CSMD1: variants seen among roughly 807,000 people sequenced by gnomAD.
CSMD1 encodes CUB and Sushi multiple domains 1.
CSMD1 carries 213 observed loss-of-function variants against 417.5 expected under a neutral mutation model. The ratio of observed to expected loss-of-function variants is 0.51; its 90% CI spans 0.46 to 0.57. The LOEUF (loss-of-function observed/expected upper bound fraction) is 0.57, where lower values mean the gene tolerates loss of function less well. Among genes scored for constraint, CSMD1 ranks in the 20% least tolerant of loss-of-function variants. The probability of loss-of-function intolerance (pLI) is 0.00; values close to 1 mark genes in which losing one functional copy is unlikely to be tolerated. For missense variants in CSMD1, 6,923 were observed against 4,529.7 expected (o/e 1.53, Z -15.17); for synonymous variants, 2,862 against 1,736.8 (o/e 1.65, Z -16.11).
At chr8:3,345,221 A>C (rs1324425246) in intron 22 of CSMD1, among the ~76,000 whole-genome samples, 1 of 152,134 alleles carries the variant, frequency 6.6e-6, no homozygotes, top group Non-Finnish European at 1.5e-5. Context: ...CCTCATGAGG[A>C]CTTGACCAAG....
chr8:4,667,598 G>C (rs985462634), intron 1 of CSMD1, among the ~76,000 whole-genome samples: 8 of 151,958 alleles, frequency 5.3e-5, no homozygotes, highest in African/African-American at 1.7e-4. Flanking sequence ...TTGTCCCTGA[G>C]TACTTTATGT....
At chr8:3,963,078 G>T (rs555193524) in intron 5 of CSMD1, among the ~76,000 whole-genome samples, 1 of 152,150 alleles carries the variant, frequency 6.6e-6, no homozygotes, top group African/African-American at 2.4e-5. Context: ...TTACAGGTAT[G>T]CACAACCACG....
intron 3 of CSMD1, among the ~76,000 whole-genome samples, chr8:4,184,082 C>T (rs190462809): frequency 6.6e-6 from 1 of 152,288 alleles, no homozygotes; most frequent in Non-Finnish European, 1.5e-5. Flanking sequence ...GCCACCTTCC[C>T]TCTGAAAACT....
chr8:3,536,295 A>G (rs1798196258), intron 10 of CSMD1, among the ~76,000 whole-genome samples: 1 of 152,196 alleles, frequency 6.6e-6, no homozygotes, highest in African/African-American at 2.4e-5. Context: ...TACTTAAACT[A>G]ATTATTTTAC....
chr8:4,419,841 C>A lies in CSMD1; in HGVS notation c.415+112G>T, dbSNP rs1041563598. 4.2e-6 allele frequency: 3 copies of A among 718,594 alleles called. No homozygotes were observed. In the South Asian group the frequency reaches 5.0e-5, roughly 12 times the overall value. The allele number at this position is 718,594 out of a possible 1,614,324, so 44.5% of individuals were successfully genotyped here. On this transcript the variant is annotated intron_variant, in intron 3 of 69. Transcript: ENST00000635120. ...ATTACACAGAAGCCAAATGTCTACA[C>A]CACGGAACGACCTGCGACATAGCAG... is the stretch of plus-strand genomic sequence containing the variant.
chr8:4,052,846 C>G (rs1483721389), intron 3 of CSMD1, among the ~76,000 whole-genome samples: 1 of 152,152 alleles, frequency 6.6e-6, no homozygotes, highest in Non-Finnish European at 1.5e-5. Flanking sequence ...GTAAACCCCT[C>G]TCCATCTCTC....
chr8:4,330,972 G>A (rs958767318), intron 3 of CSMD1, among the ~76,000 whole-genome samples: 12 of 151,936 alleles, frequency 7.9e-5, no homozygotes, highest in Admixed American at 5.2e-4. Flanking sequence ...AAGACCCCCC[G>A]ACATATACAG....
At chr8:3,776,209 G>T (rs1490361972) in intron 5 of CSMD1, among the ~76,000 whole-genome samples, 1 of 152,026 alleles carries the variant, frequency 6.6e-6, no homozygotes, top group African/African-American at 2.4e-5. Flanking sequence ...AGCACCGGAG[G>T]GTGCCCTGTG....
At position 4,162,291 on chromosome 8, in the gene CSMD1, A is replaced by G. The variant is rs1211887285; in HGVS notation, c.416-130192T>C. Among the ~76,000 whole-genome samples the G allele has an allele frequency of 2.6e-5, 4 of 152,234 alleles. No individual in the cohort carries two copies. The East Asian group carries it at 7.7e-4, about 29-fold the overall frequency. On this transcript the variant is annotated intron_variant, in intron 3 of 69. Transcript: ENST00000635120. ...AGATTTTCCAATAATAAAGTTTGCT[A>G]AAGAAAACTCAGCAAAGTTTAATGG...
intron 5 of CSMD1, among the ~76,000 whole-genome samples, chr8:3,966,691 C>A (rs190066313): frequency 6.6e-6 from 1 of 151,846 alleles, no homozygotes; most frequent in African/African-American, 2.4e-5. Context: ...GCCACCACAG[C>A]GTATGCCATG....
intron 4 of CSMD1, among the ~76,000 whole-genome samples, chr8:4,011,741 C>A (rs1362174125): frequency 6.6e-6 from 1 of 152,070 alleles, no homozygotes; most frequent in African/African-American, 2.4e-5. Flanking sequence ...ATACTTTTTT[C>A]TCATTTTCTC....
rs1235932002 is a variant in CSMD1, at chr8:4,512,874, C to G, written c.303-92809G>C. ...TGTCAGCTCTTTCGAACTTTAAATA[C>G]CTATTACCAAGTGAAAGAAGTTAAT... is the stretch of plus-strand genomic sequence containing the variant. On this transcript the variant is annotated intron_variant, in intron 2 of 69. Coordinates refer to ENST00000635120, the MANE Select transcript of CSMD1 (RefSeq NM_033225.6). Among the ~76,000 whole-genome samples the G allele has an allele frequency of 3.3e-5, 5 of 150,102 alleles. No homozygotes were observed. In the East Asian group the frequency reaches 7.8e-4, roughly 23 times the overall value.
chr8:4,473,661 G>A (rs1262115531), intron 2 of CSMD1, among the ~76,000 whole-genome samples: 2 of 152,158 alleles, frequency 1.3e-5, no homozygotes, highest in East Asian at 3.9e-4. Context: ...TGAAAACAAA[G>A]AGCATATGAC....
intron 9 of CSMD1, among the ~76,000 whole-genome samples, chr8:3,579,149 C>G (rs1291545236): frequency 6.6e-6 from 1 of 152,124 alleles, no homozygotes; most frequent in Non-Finnish European, 1.5e-5. Context: ...TCTTTTCTGT[C>G]TCCCCAGTAA....
intron 5 of CSMD1, among the ~76,000 whole-genome samples, chr8:3,954,788 G>A (rs906200053): frequency 3.3e-5 from 5 of 151,750 alleles, no homozygotes; most frequent in South Asian, 2.1e-4. Context: ...GGAGTTACAT[G>A]CACGCAGAGC....
chr8:4,467,845 A>G (rs1411940682), intron 2 of CSMD1, among the ~76,000 whole-genome samples: 4 of 152,246 alleles, frequency 2.6e-5, no homozygotes, highest in African/African-American at 7.2e-5. Context: ...ATAATTGGAC[A>G]AAAGTCAGTG....
At chr8:3,174,686 A>C (rs901982924) in intron 37 of CSMD1, among the ~76,000 whole-genome samples, 1 of 152,176 alleles carries the variant, frequency 6.6e-6, no homozygotes, top group Non-Finnish European at 1.5e-5. Context: ...TTATGATTTT[A>C]TTGTCAGAAC....
rs1554440507 is a variant in CSMD1, at chr8:3,144,796, G to GGT, written c.6032-2123_6032-2122insAC. Among the ~76,000 whole-genome samples, 183 of 121,030 alleles carry GGT rather than the reference G, an allele frequency of 1.5e-3. 2 individuals are homozygous for GGT. Among genetic ancestry groups the GGT allele is most frequent in the African/African-American group, 5.0e-3 (144 of 28,782 alleles). The allele number at this position is 121,030 out of a possible 152,430, so 79.4% of individuals were successfully genotyped here. Reference sequence around the variant, plus strand: ...AAAAGGGAGAGAAAGAGGCAACAAGGGGGGGGGGGAGGGAGGGAGGGAGAA... The same window carrying GGT: ...AAAAGGGAGAGAAAGAGGCAACAAGGGTGGGGGGGGGAGGGAGGGAGGGAGAA... On this transcript the variant is annotated intron_variant, in intron 40 of 69. Coordinates refer to ENST00000635120, the MANE Select transcript of CSMD1 (RefSeq NM_033225.6).
At chr8:3,978,530 T>C (rs569768763) in intron 5 of CSMD1, among the ~76,000 whole-genome samples, 3 of 152,104 alleles carry the variant, frequency 2.0e-5, no homozygotes, top group African/African-American at 4.8e-5. Flanking sequence ...AACACACTTA[T>C]GTGAGTTTGG....
Sources: allele counts gnomAD v4.1 joint callset (sites outside exome capture counted in the v4.1 genomes callset), GRCh38; gene constraint gnomAD v4.1.1; transcripts MANE v1.5; gene names NCBI Gene and HGNC (gene_info 2026-07-23, HGNC 2026-07-21).